ASCC3: variants seen among roughly 807,000 people sequenced by gnomAD.
ASCC3 encodes the protein ASC-1 complex subunit P200.
In ASCC3, 158 loss-of-function variants were observed where a neutral mutation model predicts 256.3. That is an observed-to-expected ratio of 0.62 (90% CI 0.54 to 0.70). The LOEUF is 0.70. Ranked by LOEUF, ASCC3 falls within the 30% of genes least tolerant of loss-of-function variation. The pLI, the probability that ASCC3 is intolerant of heterozygous loss-of-function variation, is 0.00. For missense variants in ASCC3, 2,259 were observed against 2,626.0 expected (o/e 0.86, Z 3.05); for synonymous variants, 948 against 883.4 (o/e 1.07, Z -1.30).
chr6:100,725,327 A>G (rs1779570590), intron 11 of ASCC3, among the ~76,000 whole-genome samples: 3 of 151,984 alleles, frequency 2.0e-5, no homozygotes, highest in Admixed American at 2.0e-4. Flanking sequence ...TCTTGGCATT[A>G]GGAATTTACC....
chr6:100,861,252 A>C (rs574680215), intron 3 of ASCC3, among the ~76,000 whole-genome samples: 2 of 152,242 alleles, frequency 1.3e-5, no homozygotes, highest in African/African-American at 4.8e-5. Context: ...GATTCACTTA[A>C]CTTTAATGGG....
At chr6:100,805,993 CA>C in intron 4 of ASCC3, 113 bp from the exon 5 acceptor site, 1 of 997,710 alleles carries the variant, frequency 1.0e-6, no homozygotes, top group Non-Finnish European at 1.5e-6. Context: ...TAGAAATACT[CA>C]AAAAATTTAA....
At chr6:100,627,510 G>A (rs1774300472) in intron 29 of ASCC3, 80 bp downstream of exon 29, 2 of 1,579,572 alleles carry the variant, frequency 1.3e-6, no homozygotes, top group African/African-American at 1.3e-5. Flanking sequence ...TCCTTTCAAA[G>A]AAACCAACAC....
chr6:100,694,072 T>C (rs1281131661), intron 13 of ASCC3, among the ~76,000 whole-genome samples: 1 of 152,126 alleles, frequency 6.6e-6, no homozygotes, highest in East Asian at 1.9e-4. Flanking sequence ...TGGAAAATTA[T>C]ATTTGCTCTT....
At chr6:100,603,994 G>C (rs1370982457) in intron 33 of ASCC3, among the ~76,000 whole-genome samples, 1 of 152,028 alleles carries the variant, frequency 6.6e-6, no homozygotes, top group Non-Finnish European at 1.5e-5. Context: ...GGAGGAGATT[G>C]TGTACGATTG....
chr6:100,528,494 T>C (rs1317982123), intron 37 of ASCC3, among the ~76,000 whole-genome samples: 1 of 152,192 alleles, frequency 6.6e-6, no homozygotes, highest in Non-Finnish European at 1.5e-5. Context: ...TAGAACACTG[T>C]GACATTAATT....
chr6:100,813,467 C>CAACAACAAAAAAA (rs1163608542), intron 4 of ASCC3, among the ~76,000 whole-genome samples: 1 of 149,182 alleles, frequency 6.7e-6, no homozygotes, highest in Non-Finnish European at 1.5e-5. Flanking sequence ...CAAAAAACAA[C>CAACAACAAAAAAA]AACAACAAAA....
chr6:100,688,797 G>C (rs1380092759), intron 13 of ASCC3, among the ~76,000 whole-genome samples: 1 of 152,102 alleles, frequency 6.6e-6, no homozygotes, highest in Non-Finnish European at 1.5e-5. Flanking sequence ...ATATGGTAAA[G>C]GATTGGAGTC....
intron 36 of ASCC3, among the ~76,000 whole-genome samples, chr6:100,584,234 A>G: frequency 6.6e-6 from 1 of 151,280 alleles, no homozygotes; most frequent in African/African-American, 2.4e-5. Context: ...GTCTCTTTGT[A>G]GGTCACTCAG....
chr6:100,837,885 T>A (rs1300523399), intron 4 of ASCC3, among the ~76,000 whole-genome samples: 2 of 152,004 alleles, frequency 1.3e-5, no homozygotes, highest in East Asian at 3.9e-4. Context: ...AAAAGAGGAT[T>A]TTTAATGTAA....
At chr6:100,812,570 T>C (rs1023804166) in intron 4 of ASCC3, among the ~76,000 whole-genome samples, 4 of 151,812 alleles carry the variant, frequency 2.6e-5, no homozygotes, top group Non-Finnish European at 4.4e-5. Context: ...GATTCAATAG[T>C]AGAGTCAAAC....
chr6:100,542,182 C>G (rs1005267546), intron 36 of ASCC3, among the ~76,000 whole-genome samples: 7 of 152,072 alleles, frequency 4.6e-5, no homozygotes, highest in Admixed American at 3.9e-4. Context: ...TTCAACAAAC[C>G]TCAACCAAAG....
intron 14 of ASCC3, among the ~76,000 whole-genome samples, chr6:100,677,960 T>A (rs181760708): frequency 2.1e-4 from 32 of 152,242 alleles, no homozygotes; most frequent in Admixed American, 7.2e-4. Context: ...AACATCATTT[T>A]AAAATATCTC....
chr6:100,612,780 G>T (rs1773473303), intron 30 of ASCC3, among the ~76,000 whole-genome samples: 1 of 151,808 alleles, frequency 6.6e-6, no homozygotes, highest in South Asian at 2.1e-4. Context: ...GAATTAAAAA[G>T]AATAGTTTCT....
At chr6:100,741,267 C>A (rs989156304) in intron 10 of ASCC3, among the ~76,000 whole-genome samples, 1 of 152,162 alleles carries the variant, frequency 6.6e-6, no homozygotes, top group African/African-American at 2.4e-5. Context: ...GTCTGATGGG[C>A]TTCCCTTTGT....
chr6:100,651,737 A>C, intron 18 of ASCC3, 91 bp from the exon 19 acceptor site: 3 of 629,814 alleles, frequency 4.8e-6, no homozygotes, highest in African/African-American at 3.9e-5. Context: ...ATTTTAAAAG[A>C]AATTTGAGCC....
intron 18 of ASCC3, 71 bp from the exon 19 acceptor site, chr6:100,651,717 T>C (rs1453729810): frequency 2.5e-6 from 2 of 804,766 alleles, no homozygotes; most frequent in South Asian, 2.5e-5. Flanking sequence ...AATGTGACTA[T>C]AAATTACACA....
intron 13 of ASCC3, among the ~76,000 whole-genome samples, chr6:100,681,466 C>T (rs1332601835): frequency 1.3e-5 from 2 of 151,910 alleles, no homozygotes; most frequent in African/African-American, 2.4e-5. Flanking sequence ...TGGTGGCTCA[C>T]ACCTGTAATC....
At chr6:100,706,963 T>C (rs966494612) in intron 13 of ASCC3, among the ~76,000 whole-genome samples, 13 of 152,120 alleles carry the variant, frequency 8.5e-5, no homozygotes, top group African/African-American at 3.1e-4. Context: ...TCTGAAGGCA[T>C]TGGCCTAGGC....
Sources: gnomAD v4.1 joint callset for allele counts (sites outside exome capture counted in the v4.1 genomes callset) on GRCh38, gnomAD v4.1.1 for gene constraint, MANE v1.5 for transcripts, NCBI Gene and HGNC (gene_info 2026-07-23, HGNC 2026-07-21) for gene names.